Variants in ZBTB7C observed in about 807,000 individuals in gnomAD.
The protein encoded by ZBTB7C is zinc finger and BTB domain-containing protein 7C.
ZBTB7C carries 8 observed loss-of-function variants against 25.7 expected under a neutral mutation model. That is an observed-to-expected ratio of 0.31 (90% CI 0.18 to 0.56). ZBTB7C has a LOEUF of 0.56. Among genes scored for constraint, ZBTB7C ranks in the 20% least tolerant of loss-of-function variants. The probability of loss-of-function intolerance (pLI) is 0.91; values close to 1 mark genes in which losing one functional copy is unlikely to be tolerated. For missense variants in ZBTB7C, 824 were observed against 855.2 expected (o/e 0.96, Z 0.46); for synonymous variants, 394 against 369.0 (o/e 1.07, Z -0.78).
intron 3 of ZBTB7C, among the ~76,000 whole-genome samples, chr18:48,175,124 G>GA (rs1264413905): frequency 2.0e-5 from 3 of 151,790 alleles, no homozygotes; most frequent in South Asian, 2.1e-4. Flanking sequence ...GAATGAGAAG[G>GA]AAAAAAATCC....
chr18:48,056,035 G>A (rs78570422), intron 3 of ZBTB7C, among the ~76,000 whole-genome samples: 2,324 of 152,202 alleles, frequency 0.015, 55 homozygotes, highest in African/African-American at 0.052. Context: ...AAAAAGAAGA[G>A]TTGGCAAAAA....
At chr18:48,055,824 T>G (rs923449745) in intron 3 of ZBTB7C, among the ~76,000 whole-genome samples, 3 of 152,168 alleles carry the variant, frequency 2.0e-5, no homozygotes, top group African/African-American at 7.2e-5. Flanking sequence ...CGATTTTTGG[T>G]TTCCAGACCA....
chr18:48,393,939 C>T (rs1256652247), intron 1 of ZBTB7C, among the ~76,000 whole-genome samples: 1 of 152,114 alleles, frequency 6.6e-6, no homozygotes, highest in Admixed American at 6.5e-5. Flanking sequence ...AAGAGCAAAG[C>T]AGAGGACACA....
At chr18:48,032,422 G>GTTTTTTTTTTT (rs71165309) in intron 4 of ZBTB7C, among the ~76,000 whole-genome samples, 7 of 65,096 alleles carry the variant, frequency 1.1e-4, no homozygotes, top group African/African-American at 3.2e-4. Context: ...GACAAGGTAG[G>GTTTTTTTTTTT]TTTTTTTTTT....
chr18:48,353,676 G>A (rs562122047), intron 1 of ZBTB7C, among the ~76,000 whole-genome samples: 52 of 152,274 alleles, frequency 3.4e-4, no homozygotes, highest in African/African-American at 1.2e-3. Flanking sequence ...TGGGGGTGGC[G>A]GGGGCAATCC....
At chr18:48,217,862 T>C (rs1479986077) in intron 2 of ZBTB7C, among the ~76,000 whole-genome samples, 5 of 152,050 alleles carry the variant, frequency 3.3e-5, no homozygotes, top group African/African-American at 4.8e-5. Flanking sequence ...AGAGCATCTG[T>C]TCATGGTAGT....
intron 1 of ZBTB7C, among the ~76,000 whole-genome samples, chr18:48,357,214 C>T (rs560746632): frequency 6.6e-6 from 1 of 152,314 alleles, no homozygotes; most frequent in Non-Finnish European, 1.5e-5. Context: ...CAGACGGCCA[C>T]CTGCAGAATA....
intron 3 of ZBTB7C, among the ~76,000 whole-genome samples, chr18:48,093,572 G>T (rs192888146): frequency 6.6e-6 from 1 of 152,120 alleles, no homozygotes; most frequent in East Asian, 1.9e-4. Flanking sequence ...GTAAGTGACT[G>T]CCTATTCTAA....
intron 3 of ZBTB7C, among the ~76,000 whole-genome samples, chr18:48,097,801 A>G (rs2038693005): frequency 6.6e-6 from 1 of 152,118 alleles, no homozygotes; most frequent in Non-Finnish European, 1.5e-5. Context: ...AAGACCTGTA[A>G]CAAACCTTTG....
rs187592307 is a variant in ZBTB7C, at chr18:48,177,981, C to T, written c.-17+7953G>A. Among the ~76,000 whole-genome samples, 29 of 151,550 alleles carry T rather than the reference C, an allele frequency of 1.9e-4. 1 individual carries two copies. The East Asian group carries it at 5.4e-3, about 28-fold the overall frequency. On this transcript the variant is annotated intron_variant, in intron 3 of 4. Transcript: ENST00000590800. ...AGCGCTGGTAAGGTGGCCCCTCCAC[C>T]CCACCCTCACTGTCTCTACTTCCAG...
chr18:48,121,284 C>G (rs960435782), intron 3 of ZBTB7C, among the ~76,000 whole-genome samples: 1 of 152,202 alleles, frequency 6.6e-6, no homozygotes, highest in African/African-American at 2.4e-5. Flanking sequence ...GTGACTGCAA[C>G]TCACAGTTAG....
intron 3 of ZBTB7C, among the ~76,000 whole-genome samples, chr18:48,115,253 TC>T (rs777219471): frequency 6.6e-6 from 1 of 151,944 alleles, no homozygotes; most frequent in Non-Finnish European, 1.5e-5. Flanking sequence ...TCAGAACTTT[TC>T]TTTTTTTTTT....
intron 3 of ZBTB7C, among the ~76,000 whole-genome samples, chr18:48,041,748 A>T (rs566188978): frequency 1.1e-3 from 164 of 148,338 alleles, no homozygotes; most frequent in African/African-American, 3.9e-3. Flanking sequence ...CCTTTTTTTA[A>T]AAAAAAAACA....
intron 2 of ZBTB7C, among the ~76,000 whole-genome samples, chr18:48,269,951 T>C (rs1444527232): frequency 6.6e-6 from 1 of 152,174 alleles, no homozygotes; most frequent in Non-Finnish European, 1.5e-5. Flanking sequence ...AAAAGCCAGC[T>C]AATGTTGTTA....
At chr18:48,169,826 CA>C (rs1276444215) in intron 3 of ZBTB7C, 7 of 152,276 alleles carry the variant, frequency 4.6e-5, no homozygotes. Flanking sequence ...CATCCTTGAA[CA>C]GGGGCTATGC....
At chr18:48,295,128 A>C (rs1348900180) in intron 2 of ZBTB7C, among the ~76,000 whole-genome samples, 1 of 152,208 alleles carries the variant, frequency 6.6e-6, no homozygotes, top group Non-Finnish European at 1.5e-5. Context: ...GGAGAAGCCC[A>C]GGCCTCAATT....
chr18:48,058,691 G>T (rs1292036125), intron 3 of ZBTB7C, among the ~76,000 whole-genome samples: 2 of 152,186 alleles, frequency 1.3e-5, no homozygotes, highest in South Asian at 4.1e-4. Context: ...GTCCCCTCCT[G>T]CATTGTATCA....
chr18:48,029,923 A>C lies in ZBTB7C; in HGVS notation c.1209-12T>G, dbSNP rs1383127502. The stretch of plus-strand genomic sequence containing the variant: ...TCAGCTTGTCCTGCCTGCAATGCAG[A>C]GACTGGGGGTCAGTCCCGCAGGGAA... On this transcript the variant is annotated splice_polypyrimidine_tract_variant and intron_variant, in intron 4 of 4. Transcript: ENST00000590800. The C allele has an allele frequency of 6.2e-7, 1 of 1,610,020 alleles. No homozygotes were observed. The highest frequency in any genetic ancestry group is 1.1e-5 in the South Asian group (1 of 91,086).
intron 2 of ZBTB7C, among the ~76,000 whole-genome samples, chr18:48,332,600 C>A (rs919741749): frequency 6.6e-6 from 1 of 151,404 alleles, no homozygotes; most frequent in Non-Finnish European, 1.5e-5. Flanking sequence ...TGCTCTCCTA[C>A]CATTCAGTTC....
Sources: gnomAD v4.1 joint callset for allele counts (sites outside exome capture counted in the v4.1 genomes callset) on GRCh38, gnomAD v4.1.1 for gene constraint, MANE v1.5 for transcripts, NCBI Gene and HGNC (gene_info 2026-07-23, HGNC 2026-07-21) for gene names.